The following PALLD variants were observed in gnomAD, a reference collection of about 807,000 sequenced individuals.
PALLD encodes palladin.
Under a neutral mutation model 123.5 loss-of-function variants are expected in PALLD, and 61 were observed. That is an observed-to-expected ratio of 0.49 (90% confidence interval 0.40 to 0.61). PALLD has a LOEUF of 0.61. PALLD is among the 20% of genes least tolerant of loss of function. The pLI, the probability that PALLD is intolerant of heterozygous loss-of-function variation, is 0.00. For missense variants in PALLD, 1,273 were observed against 1,377.0 expected (o/e 0.92, Z 1.20); for synonymous variants, 465 against 496.4 (o/e 0.94, Z 0.84).
At chr4:168,729,115 G>A (rs557035727) in intron 10 of PALLD, among the ~76,000 whole-genome samples, 7 of 152,156 alleles carry the variant, frequency 4.6e-5, no homozygotes, top group Admixed American at 2.0e-4. Context: ...GAAGGTACAC[G>A]TTTTAAATTT....
chr4:168,626,400 CA>C (rs374572213), intron 2 of PALLD, among the ~76,000 whole-genome samples: 49,947 of 98,184 alleles, frequency 0.51, 11,357 homozygotes, highest in Middle Eastern at 0.59. Context: ...GACTCCATCT[CA>C]AAAAAAAAAA....
intron 8 of PALLD, among the ~76,000 whole-genome samples, chr4:168,702,593 C>T (rs887809603): frequency 2.0e-5 from 3 of 152,054 alleles, no homozygotes; most frequent in Admixed American, 1.3e-4. Context: ...GGAGATGGGA[C>T]GCCAACCTTC....
chr4:168,505,342 G>A (rs558960734), intron 1 of PALLD, among the ~76,000 whole-genome samples: 1 of 152,314 alleles, frequency 6.6e-6, no homozygotes. Context: ...AAGCAGGTGA[G>A]ATAATCTGCC....
chr4:168,878,298 G>A lies in PALLD; in HGVS notation c.1965-12624G>A. On this transcript the variant is annotated intron_variant, in intron 10 of 21. Coordinates refer to ENST00000505667, the MANE Select transcript of PALLD (RefSeq NM_001166108.2). ...TCGCCTGCCACCCGCTTCGGCCACAGCCAGACGCCCGCGGCCTTCCTCAGC... is the reference window on the plus strand; with the variant it reads ...TCGCCTGCCACCCGCTTCGGCCACAACCAGACGCCCGCGGCCTTCCTCAGC... The A allele has an allele frequency of 6.5e-7, 1 of 1,527,182 alleles. No homozygotes were observed. The highest frequency in any genetic ancestry group is 8.7e-7 in the Non-Finnish European group (1 of 1,143,830). 94.6% of individuals were successfully genotyped at this position (1,527,182 alleles called of 1,614,324 possible).
chr4:168,707,927 G>A (rs1441295848), intron 8 of PALLD, among the ~76,000 whole-genome samples: 1 of 152,152 alleles, frequency 6.6e-6, no homozygotes, highest in Non-Finnish European at 1.5e-5. Context: ...TCTAGATATA[G>A]CTTCCTTTTA....
chr4:168,730,997 G>C (rs1461033866), intron 10 of PALLD, among the ~76,000 whole-genome samples: 1 of 152,132 alleles, frequency 6.6e-6, no homozygotes, highest in Non-Finnish European at 1.5e-5. Context: ...AGAAATGGGG[G>C]AAGGGATTCA....
chr4:168,761,022 A>G (rs1450730644), intron 10 of PALLD, among the ~76,000 whole-genome samples: 1 of 152,216 alleles, frequency 6.6e-6, no homozygotes, highest in Non-Finnish European at 1.5e-5. Flanking sequence ...TTTTGTTCTC[A>G]GTCGTTCTTG....
At position 168,536,666 on chromosome 4, in the gene PALLD, AACTC is replaced by A. The variant is rs369403857; in HGVS notation, c.908+24262_908+24265del. On this transcript the variant is annotated intron_variant, in intron 2 of 21. Coordinates refer to ENST00000505667, the MANE Select transcript of PALLD (RefSeq NM_001166108.2). ...TTATAAAACCATCAGATCTCGCGAG[AACTC>A]ACTCACTATCACGAGACCAGCATGG... 339 of 152,320 alleles carry A rather than the reference AACTC, an allele frequency of 2.2e-3. 1 individual carries two copies. Among genetic ancestry groups the A allele is most frequent in the African/African-American group, 7.1e-3 (297 of 41,544 alleles). The allele number at this position is 152,320 out of a possible 1,614,324, so 9.4% of individuals were successfully genotyped here.
chr4:168,848,538 C>T (rs555255877), intron 10 of PALLD, among the ~76,000 whole-genome samples: 12 of 152,014 alleles, frequency 7.9e-5, no homozygotes, highest in Non-Finnish European at 1.5e-4. Flanking sequence ...TCGAGGAAAA[C>T]GTAGGCACAC....
chr4:168,704,646 C>G (rs1784050282), intron 8 of PALLD, among the ~76,000 whole-genome samples: 2 of 117,452 alleles, frequency 1.7e-5, no homozygotes, highest in South Asian at 2.7e-4. Context: ...GCCTGGGCGA[C>G]AGCACGAGAC....
chr4:168,815,033 A>AG (rs1741709716), intron 10 of PALLD, among the ~76,000 whole-genome samples: 1 of 152,220 alleles, frequency 6.6e-6, no homozygotes, highest in African/African-American at 2.4e-5. Context: ...GGCCTCCCAA[A>AG]GCGCTGGGAT....
chr4:168,725,280 A>G (rs1247178780), intron 10 of PALLD, among the ~76,000 whole-genome samples: 4 of 152,234 alleles, frequency 2.6e-5, no homozygotes, highest in Non-Finnish European at 5.9e-5. Context: ...TGCCTCAGCT[A>G]CAATTTCAAA....
rs573161017 is a variant in PALLD at position 168,501,623 on chromosome 4, T to C, written c.-83+4429T>C. 2.0e-5 allele frequency among the ~76,000 whole-genome samples: 3 copies of C among 152,304 alleles called. No individual in the cohort carries two copies. The East Asian group carries it at 5.8e-4, about 29-fold the overall frequency. On this transcript the variant is annotated intron_variant, in intron 1 of 21. Transcript: ENST00000505667. ...AACCTTTGCTTCACCAAATGTTTGC[T>C]TAAGATGAAGAGTTTGGCATTAGGC...
chr4:168,878,046 C>T, intron 10 of PALLD: 1 of 1,484,056 alleles, frequency 6.7e-7, no homozygotes, highest in Non-Finnish European at 8.9e-7. Flanking sequence ...AGCCTCCCGT[C>T]GCCCATGTCC....
rs114196904 is a variant in PALLD, at chr4:168,768,122, G to T, written c.1964+56199G>T. The stretch of plus-strand genomic sequence containing the variant: ...GTTTACCCGACTTCCTCTCCCATCC[G>T]CATTCCACTGGAATCCCCGGTTCTT... On this transcript the variant is annotated intron_variant, in intron 10 of 21. Coordinates refer to ENST00000505667, the MANE Select transcript of PALLD (RefSeq NM_001166108.2). Among the ~76,000 whole-genome samples, 572 of 152,150 alleles carry T rather than the reference G, an allele frequency of 3.8e-3. 1 individual carries two copies. The highest frequency in any genetic ancestry group is 0.013 in the African/African-American group (549 of 41,506).
At chr4:168,726,362 T>C (rs1338630084) in intron 10 of PALLD, among the ~76,000 whole-genome samples, 2 of 152,224 alleles carry the variant, frequency 1.3e-5, no homozygotes, top group African/African-American at 4.8e-5. Context: ...ATTTTTCTTA[T>C]TTTGCATTAC....
At chr4:168,742,570 A>G (rs569175053) in intron 10 of PALLD, among the ~76,000 whole-genome samples, 1 of 152,326 alleles carries the variant, frequency 6.6e-6, no homozygotes, top group South Asian at 2.1e-4. Context: ...CTGTTCCATG[A>G]ACATACCGGA....
intron 2 of PALLD, among the ~76,000 whole-genome samples, chr4:168,666,777 A>G (rs963220029): frequency 6.6e-6 from 1 of 152,220 alleles, no homozygotes; most frequent in Non-Finnish European, 1.5e-5. Context: ...GGAGAGACCA[A>G]TTAAAACACT....
At chr4:168,620,827 T>C (rs1207052030) in intron 2 of PALLD, among the ~76,000 whole-genome samples, 1 of 152,194 alleles carries the variant, frequency 6.6e-6, no homozygotes, top group Non-Finnish European at 1.5e-5. Context: ...ACACAGTATA[T>C]GCAAAAAGTA....
Sources: gnomAD v4.1 joint callset for allele counts (sites outside exome capture counted in the v4.1 genomes callset) on GRCh38, gnomAD v4.1.1 for gene constraint, MANE v1.5 for transcripts, NCBI Gene and HGNC (gene_info 2026-07-23, HGNC 2026-07-21) for gene names.